Variants in LRRK1 observed in about 807,000 individuals in gnomAD.
LRRK1 encodes the protein leucine-rich repeat serine/threonine-protein kinase 1.
A neutral mutation model predicts 209.1 loss-of-function variants in LRRK1; 113 were observed. The ratio of observed to expected loss-of-function variants is 0.54; its 90% CI spans 0.46 to 0.63. LRRK1 has a LOEUF of 0.63. Ranked by LOEUF, LRRK1 falls within the 30% of genes least tolerant of loss-of-function variation. The probability of loss-of-function intolerance (pLI) is 0.00; values close to 1 mark genes in which losing one functional copy is unlikely to be tolerated. For missense variants in LRRK1, 2,284 were observed against 2,632.2 expected (o/e 0.87, Z 2.89); for synonymous variants, 1,144 against 1,099.7 (o/e 1.04, Z -0.80).
intron 4 of LRRK1, among the ~76,000 whole-genome samples, chr15:100,984,484 C>A (rs932614918): frequency 6.8e-6 from 1 of 147,164 alleles, no homozygotes; most frequent in Non-Finnish European, 1.5e-5. Flanking sequence ...GGCCCCATCC[C>A]TCCCTCCCTC....
intron 27 of LRRK1, among the ~76,000 whole-genome samples, chr15:101,056,115 GTCTA>G (rs1180179705): frequency 6.6e-6 from 1 of 152,178 alleles, no homozygotes. Context: ...AAATTCTCAA[GTCTA>G]TCTATCTCAG....
intron 2 of LRRK1, among the ~76,000 whole-genome samples, chr15:100,949,993 A>C (rs2042614416): frequency 6.6e-6 from 1 of 152,232 alleles, no homozygotes; most frequent in African/African-American, 2.4e-5. Context: ...ACTTCTATTC[A>C]ACATTACACT....
chr15:100,944,005 T>A (rs531187289), intron 2 of LRRK1, among the ~76,000 whole-genome samples: 1 of 152,116 alleles, frequency 6.6e-6, no homozygotes, highest in Non-Finnish European at 1.5e-5. Flanking sequence ...ATGTTCAGCC[T>A]CCAGCCATTC....
At chr15:101,052,119 C>T (rs904945319) in intron 24 of LRRK1, among the ~76,000 whole-genome samples, 159 bp downstream of exon 24, 2 of 152,332 alleles carry the variant, frequency 1.3e-5, no homozygotes, top group Middle Eastern at 3.4e-3. Context: ...TTCCCATCCT[C>T]GGCTGCCTGA....
chr15:101,040,862 C>T (rs1310508994), intron 20 of LRRK1, among the ~76,000 whole-genome samples: 1 of 152,192 alleles, frequency 6.6e-6, no homozygotes, highest in Non-Finnish European at 1.5e-5. Flanking sequence ...GGAGTGCACA[C>T]AAGAAACGAG....
At chr15:100,944,337 C>G (rs113543153) in intron 2 of LRRK1, among the ~76,000 whole-genome samples, 4 of 152,306 alleles carry the variant, frequency 2.6e-5, no homozygotes, top group African/African-American at 9.6e-5. Flanking sequence ...CACCAAAAAC[C>G]CAGCTGCAGA....
In LRRK1 at chr15:100,924,755, T is replaced by A. The variant is rs769689014; in HGVS notation, c.97+26T>A. The A allele has an allele frequency of 3.8e-6, 6 of 1,574,394 alleles. No homozygotes were observed. The Admixed American group carries it at 1.0e-4, about 26-fold the overall frequency. On this transcript the variant is annotated intron_variant, in intron 2 of 33. Coordinates refer to ENST00000388948, the MANE Select transcript of LRRK1 (RefSeq NM_024652.6). ...GTAAGGACAGGGCTGTGCTTATGCC[T>A]GCCTGGGTGTGACCTGCCATGCTCA...
rs2141156826 is a variant in LRRK1 at position 101,062,562 on chromosome 15, C to A, written c.4798-12C>A. 3 of 1,569,304 alleles carry A rather than the reference C, an allele frequency of 1.9e-6. No individual in the cohort carries two copies. The South Asian group carries it at 3.3e-5, about 17-fold the overall frequency. ...AGCCTGGGTCTCACAGTGGACCTGTCTGCCTCTGCAGGACCAGAAAATCTA... is the reference window on the plus strand; with the variant it reads ...AGCCTGGGTCTCACAGTGGACCTGTATGCCTCTGCAGGACCAGAAAATCTA... On this transcript the variant is annotated splice_polypyrimidine_tract_variant and intron_variant, in intron 30 of 33. Transcript: ENST00000388948.
At chr15:100,961,530 G>T (rs2029951799) in intron 2 of LRRK1, among the ~76,000 whole-genome samples, 1 of 151,994 alleles carries the variant, frequency 6.6e-6, no homozygotes, top group Non-Finnish European at 1.5e-5. Context: ...GTGCGTGCCT[G>T]TAATCCCAGC....
Position 101,068,827 on chromosome 15 carries a change from T to C in LRRK1, c.6027T>C (p.Ala2009=). ...ACGAGGAGCTGGGCCGGCTGGAGGCTTGCACTCGCAAGAGAAGGTAATTCC... is the reference window on the plus strand; with the variant it reads ...ACGAGGAGCTGGGCCGGCTGGAGGCCTGCACTCGCAAGAGAAGGTAATTCC... The part of the protein sequence containing the change: ...QSYEELGRLE[A]CTRKRR The change falls in exon 34 of 34, where the codon GCT becomes GCC. Residue 2009 remains alanine (A), a synonymous_variant. Transcript: ENST00000388948. 1.9e-6 allele frequency: 3 copies of C among 1,606,448 alleles called. No homozygotes were observed. The highest frequency in any genetic ancestry group is 1.7e-6 in the Non-Finnish European group (2 of 1,176,614).
At chr15:101,066,603 G>C (rs762141505) in intron 32 of LRRK1, 37 bp from the exon 33 acceptor site, 1 of 1,598,234 alleles carries the variant, frequency 6.3e-7, no homozygotes, top group Non-Finnish European at 8.6e-7. Flanking sequence ...CACGGCTACC[G>C]ACAAATCGCT....
chr15:101,059,196 TCTAGGAAACATGGTGAAAC>T (rs1201108049), intron 29 of LRRK1, among the ~76,000 whole-genome samples: 2 of 152,022 alleles, frequency 1.3e-5, no homozygotes, highest in Non-Finnish European at 2.9e-5. Flanking sequence ...TTGAGACCAG[TCTAGGAAACATGGTGAAAC>T]TTTGTCTCTA....
rs1201546046 is a variant in LRRK1, at chr15:101,056,745, A to G, written c.4333-111A>G. 8.9e-6 allele frequency: 7 copies of G among 784,306 alleles called. No homozygotes were observed. In the African/African-American group the frequency reaches 1.1e-4, roughly 12 times the overall value. 48.6% of individuals were successfully genotyped at this position (784,306 alleles called of 1,614,324 possible). On this transcript the variant is annotated intron_variant, in intron 27 of 33. Coordinates refer to ENST00000388948, the MANE Select transcript of LRRK1 (RefSeq NM_024652.6). ...GGGACATGGTCAGGTGGTTTGTTGA[A>G]TGTTTGTTTTCCTTGTCTAATTGTG...
intron 20 of LRRK1, among the ~76,000 whole-genome samples, chr15:101,036,213 A>G (rs1193451429): frequency 6.6e-6 from 1 of 152,010 alleles, no homozygotes. Context: ...ACCTTCTGGG[A>G]CTCCAGTAAT....
intron 1 of LRRK1, among the ~76,000 whole-genome samples, chr15:100,921,770 G>A (rs1458707717): frequency 6.6e-6 from 1 of 152,180 alleles, no homozygotes; most frequent in Admixed American, 6.5e-5. Context: ...AGGTTGGAGT[G>A]CAGTGGTGCA....
At position 100,982,382 on chromosome 15, in the gene LRRK1, G is replaced by C. The variant is rs527402980; in HGVS notation, c.262-1146G>C. Among the ~76,000 whole-genome samples, 14 of 152,344 alleles carry C rather than the reference G, an allele frequency of 9.2e-5. No individual in the cohort carries two copies. The South Asian group carries it at 2.9e-3, about 32-fold the overall frequency. On this transcript the variant is annotated intron_variant, in intron 3 of 33. Transcript: ENST00000388948. ...TCTGAGCATCCTTTTCTCAGACCCA[G>C]AGAGCTCGTGATAAGTCAAGGCCAC...
In LRRK1 at chr15:101,074,079, T is replaced by G. The variant is rs2036895140; in HGVS notation, c.*5231T>G. 6.6e-6 allele frequency: 1 copy of G among 152,162 alleles called. No homozygotes were observed. The highest frequency in any genetic ancestry group is 2.1e-4 in the South Asian group (1 of 4,820). The allele number at this position is 152,162 out of a possible 1,614,324, so 9.4% of individuals were successfully genotyped here. ...CTTTTACACATCAGTCCCTCCCTAG[T>G]CTCTGTTCCCAGTGCAACTCATCCC... On this transcript the variant is annotated 3_prime_UTR_variant, in exon 34 of 34. Coordinates refer to ENST00000388948, the MANE Select transcript of LRRK1 (RefSeq NM_024652.6).
rs117968893 is a variant in LRRK1, at chr15:101,047,067, C to G, written c.3135+915C>G. Among the ~76,000 whole-genome samples the G allele has an allele frequency of 3.3e-3, 509 of 152,348 alleles. 2 individuals carry two copies. Among genetic ancestry groups the G allele is most frequent in the Admixed American group, 5.9e-3 (91 of 15,308 alleles). On this transcript the variant is annotated intron_variant, in intron 21 of 33. Coordinates refer to ENST00000388948, the MANE Select transcript of LRRK1 (RefSeq NM_024652.6). ...GGTTTTCACAACCCTCCAGGGGATT[C>G]TGACACACTTTTGGTTTTGCGAACC...
At chr15:101,047,173 C>A (rs1332088723) in intron 21 of LRRK1, among the ~76,000 whole-genome samples, 1 of 152,156 alleles carries the variant, frequency 6.6e-6, no homozygotes, top group African/African-American at 2.4e-5. Context: ...ATTAGAAAGC[C>A]CTTATTGAAT....
Sources: gnomAD v4.1 joint callset for allele counts (sites outside exome capture counted in the v4.1 genomes callset) on GRCh38, gnomAD v4.1.1 for gene constraint, MANE v1.5 for transcripts, NCBI Gene and HGNC (gene_info 2026-07-23, HGNC 2026-07-21) for gene names.